Variants in RBPMS observed in about 807,000 individuals in gnomAD.
RBPMS encodes the protein RNA-binding protein with multiple splicing.
RBPMS carries 7 observed loss-of-function variants against 26.8 expected under a neutral mutation model. That is an observed-to-expected ratio of 0.26 (90% confidence interval 0.15 to 0.49). The LOEUF (loss-of-function observed/expected upper bound fraction) is 0.49, where lower values mean the gene tolerates loss of function less well. Among genes scored for constraint, RBPMS ranks in the 20% least tolerant of loss-of-function variants. The pLI is 0.98. For missense variants in RBPMS, 186 were observed against 250.0 expected, an observed-to-expected ratio of 0.74 and a Z score of 1.73; for synonymous variants, 96 against 93.3, an observed-to-expected ratio of 1.03 and a Z score of -0.17.
At chr8:30,563,181 G>A (rs1008387070) in intron 7 of RBPMS, among the ~76,000 whole-genome samples, 4 of 152,206 alleles carry the variant, frequency 2.6e-5, no homozygotes, top group Admixed American at 2.0e-4. Flanking sequence ...ATCAGGAGAG[G>A]GGGGGTCAGA....
chr8:30,556,853 T>G (rs1422467235), intron 6 of RBPMS: 1 of 867,860 alleles, frequency 1.2e-6, no homozygotes, highest in East Asian at 1.2e-4. Flanking sequence ...CCTAGACTCT[T>G]CTGTCCCCTT....
At position 30,428,823 on chromosome 8, in the gene RBPMS, T is replaced by C. The variant is rs745441015; in HGVS notation, c.66+43665T>C. 5.0e-4 allele frequency among the ~76,000 whole-genome samples: 76 copies of C among 152,120 alleles called. 3 individuals are homozygous for C. Among genetic ancestry groups the C allele is most frequent in the Admixed American group, 8.5e-4 (13 of 15,276 alleles). On this transcript the variant is annotated intron_variant, in intron 1 of 8. Coordinates refer to ENST00000397323, the MANE Select transcript of RBPMS (RefSeq NM_001008710.3). ...AGAAAACTCATGTACACTATTTTAA[T>C]GGTATGATTTAAATGTGTTCAAAAA...
At chr8:30,550,396 C>T (rs1057309716) in intron 6 of RBPMS, among the ~76,000 whole-genome samples, 4 of 152,150 alleles carry the variant, frequency 2.6e-5, no homozygotes, top group Non-Finnish European at 5.9e-5. Context: ...AGAGAATGCC[C>T]GGCATATTAG....
intron 6 of RBPMS, among the ~76,000 whole-genome samples, chr8:30,555,428 C>T (rs186907824): frequency 2.0e-3 from 299 of 152,240 alleles, no homozygotes; most frequent in African/African-American, 4.6e-3. Flanking sequence ...GTGCTTAGCG[C>T]GGTCTCTGAC....
chr8:30,434,118 AAAAAAAT>A (rs546786659), intron 1 of RBPMS, among the ~76,000 whole-genome samples: 45 of 151,558 alleles, frequency 3.0e-4, no homozygotes, highest in African/African-American at 6.1e-4. Flanking sequence ...CTCTGTCTCA[AAAAAAAT>A]AAAAAATAAA....
intron 6 of RBPMS, chr8:30,549,545 C>T (rs763707846): frequency 3.1e-6 from 5 of 1,614,054 alleles, no homozygotes; most frequent in South Asian, 1.1e-5. Context: ...CTTGAGCGCT[C>T]CGTCTCCTGA....
rs1393056753 is a variant in RBPMS, at chr8:30,422,674, C to T, written c.66+37516C>T. On this transcript the variant is annotated intron_variant, in intron 1 of 8. Coordinates refer to ENST00000397323, the MANE Select transcript of RBPMS (RefSeq NM_001008710.3). Reference sequence around the variant, plus strand: ...AATGTACAAGAGAAACCCAAATGTACGTTTCTGAACAAATTTAAATAGATA... The same window carrying T: ...AATGTACAAGAGAAACCCAAATGTATGTTTCTGAACAAATTTAAATAGATA... 5.3e-5 allele frequency among the ~76,000 whole-genome samples: 8 copies of T among 152,124 alleles called. No homozygotes were observed. In the East Asian group the frequency reaches 7.7e-4, roughly 15 times the overall value.
At chr8:30,409,797 T>C (rs186163897) in intron 1 of RBPMS, among the ~76,000 whole-genome samples, 438 of 152,142 alleles carry the variant, frequency 2.9e-3, no homozygotes, top group Non-Finnish European at 5.3e-3. Flanking sequence ...CATGCCCAGC[T>C]AATTTTTGTA....
chr8:30,541,714 C>CT (rs1563429244), intron 5 of RBPMS, among the ~76,000 whole-genome samples: 1 of 152,166 alleles, frequency 6.6e-6, no homozygotes, highest in South Asian at 2.1e-4. Context: ...GCCTTCCATC[C>CT]TGTAAAGTTT....
In RBPMS at chr8:30,570,626, TTC is replaced by T. The variant is rs935281294; in HGVS notation, c.*112-9_*112-8del. The T allele has an allele frequency of 1.3e-5, 2 of 152,686 alleles. No homozygotes were observed. Among genetic ancestry groups the T allele is most frequent in the Non-Finnish European group, 2.9e-5 (2 of 68,048 alleles). 9.5% of individuals were successfully genotyped at this position (152,686 alleles called of 1,614,324 possible). On this transcript the variant is annotated splice_polypyrimidine_tract_variant and intron_variant, in intron 8 of 8. Coordinates refer to ENST00000397323, the MANE Select transcript of RBPMS (RefSeq NM_001008710.3). Reference sequence around the variant, plus strand: ...CACCTGCTCTCCTAACATGTTTTCTTTCTGTTTCAGGCTTGAAAAACCCTTGC... The same window carrying T: ...CACCTGCTCTCCTAACATGTTTTCTTTGTTTCAGGCTTGAAAAACCCTTGC...
intron 5 of RBPMS, among the ~76,000 whole-genome samples, chr8:30,512,889 G>A (rs1821869140): frequency 1.3e-5 from 2 of 152,040 alleles, no homozygotes; most frequent in Non-Finnish European, 2.9e-5. Flanking sequence ...AGTTCAGTTA[G>A]TGGTAAATAA....
intron 6 of RBPMS, among the ~76,000 whole-genome samples, chr8:30,551,568 A>G (rs1210024808): frequency 6.6e-6 from 1 of 152,094 alleles, no homozygotes; most frequent in Non-Finnish European, 1.5e-5. Context: ...TCCTTTGCGG[A>G]AGGTTAAACT....
chr8:30,448,362 C>T (rs2150735675), intron 1 of RBPMS, among the ~76,000 whole-genome samples: 1 of 152,262 alleles, frequency 6.6e-6, no homozygotes, highest in Admixed American at 6.5e-5. Flanking sequence ...GTTTGCAGGG[C>T]AGATGCATTC....
chr8:30,519,503 A>G (rs1385889454), intron 5 of RBPMS, among the ~76,000 whole-genome samples: 10 of 95,968 alleles, frequency 1.0e-4, no homozygotes, highest in Admixed American at 3.4e-4. Flanking sequence ...TTTTTTTTGG[A>G]GACGGAGTCT....
intron 1 of RBPMS, among the ~76,000 whole-genome samples, chr8:30,472,002 T>G (rs1299179021): frequency 6.6e-6 from 1 of 152,102 alleles, no homozygotes; most frequent in Non-Finnish European, 1.5e-5. Context: ...AGACAAGGAA[T>G]TGATGGGCAT....
At chr8:30,552,385 G>A (rs1285146145) in intron 6 of RBPMS, 1 of 152,184 alleles carries the variant, frequency 6.6e-6, no homozygotes, top group Admixed American at 6.5e-5. Flanking sequence ...GACAGTAGGG[G>A]TAAAGGAAAA....
intron 5 of RBPMS, among the ~76,000 whole-genome samples, chr8:30,541,244 C>T (rs1585818679): frequency 6.6e-6 from 1 of 152,266 alleles, no homozygotes; most frequent in African/African-American, 2.4e-5. Context: ...AACGAAAAGG[C>T]AGAAGATGAT....
chr8:30,503,065 C>T (rs577000134), intron 4 of RBPMS, among the ~76,000 whole-genome samples: 2 of 152,234 alleles, frequency 1.3e-5, no homozygotes, highest in South Asian at 4.2e-4. Flanking sequence ...TCCAAGACTT[C>T]TGGGTCAGGG....
intron 1 of RBPMS, among the ~76,000 whole-genome samples, chr8:30,390,862 G>T (rs1460309836): frequency 6.6e-6 from 1 of 152,014 alleles, no homozygotes; most frequent in African/African-American, 2.4e-5. Flanking sequence ...ATATATACAC[G>T]TATATAATTC....
Sources: allele counts gnomAD v4.1 joint callset (sites outside exome capture counted in the v4.1 genomes callset), GRCh38; gene constraint gnomAD v4.1.1; transcripts MANE v1.5; gene names NCBI Gene and HGNC (gene_info 2026-07-23, HGNC 2026-07-21).